TLX3: variants seen among roughly 807,000 people sequenced by gnomAD.
TLX3 encodes T cell leukemia homeobox 3.
Under a neutral mutation model 19.6 loss-of-function variants are expected in TLX3, and 11 were observed. The ratio of observed to expected loss-of-function variants is 0.56; its 90% CI spans 0.35 to 0.93. The LOEUF (loss-of-function observed/expected upper bound fraction) is 0.93, where lower values mean the gene tolerates loss of function less well. Among genes scored for constraint, TLX3 ranks in the 40% least tolerant of loss-of-function variants. The probability of loss-of-function intolerance (pLI) is 0.01; values close to 1 mark genes in which losing one functional copy is unlikely to be tolerated. For synonymous variants in TLX3, 221 were observed against 188.1 expected (o/e 1.17, Z -1.43); for missense variants, 375 against 418.6 (o/e 0.90, Z 0.91).
chr5:171,310,030 G>A (rs939648719), intron 1 of TLX3, 120 bp from the exon 2 acceptor site: 33 of 1,427,056 alleles, frequency 2.3e-5, no homozygotes, highest in Non-Finnish European at 3.0e-5. Context: ...CTCTGGAAAC[G>A]CGCGCGACCA....
In TLX3 at chr5:171,311,635, C is replaced by T. The variant is rs1372090632; in HGVS notation, c.*36C>T. The T allele has an allele frequency of 6.5e-7, 1 of 1,533,048 alleles. No homozygotes were observed. The highest frequency in any genetic ancestry group is 8.9e-7 in the Non-Finnish European group (1 of 1,126,070). The allele number at this position is 1,533,048 out of a possible 1,614,324, so 95.0% of individuals were successfully genotyped here. On this transcript the variant is annotated 3_prime_UTR_variant, in exon 3 of 3. Transcript: ENST00000296921. The surrounding 1 kb of genome is among the most constrained non-coding windows in gnomAD (Gnocchi z 5.1). Reference sequence around the variant, plus strand: ...GCGCACCGTCGCCACGGATCGCCGCCCCCACCCAGCCGGGCGCCCCGGACC... The same window carrying T: ...GCGCACCGTCGCCACGGATCGCCGCTCCCACCCAGCCGGGCGCCCCGGACC...
At chr5:171,310,448 C>T (rs1416984887) in intron 2 of TLX3, 55 bp downstream of exon 2, 2 of 1,588,462 alleles carry the variant, frequency 1.3e-6, no homozygotes, top group African/African-American at 2.7e-5. Context: ...TGTCCCGCCC[C>T]GAGCCGCAGC....
chr5:171,311,398 G>A lies in TLX3; in HGVS notation c.675G>A (p.Thr225=), dbSNP rs1197518633. The change falls in exon 3 of 3, where the codon ACG becomes ACA. Residue 225 remains threonine, a synonymous_variant. Coordinates refer to ENST00000296921, the MANE Select transcript of TLX3 (RefSeq NM_021025.4). This position sits in a 1 kb window ranked among gnomAD's most constrained non-coding sequence, Gnocchi z 5.1. Reference sequence around the variant, plus strand: ...CCCTCCCCCGGTGCAGGCGGCAGACGGCGGAGGAGCGGGAGGCGGAGCGGC... The same window carrying A: ...CCCTCCCCCGGTGCAGGCGGCAGACAGCGGAGGAGCGGGAGGCGGAGCGGC... ...QNRRTKWRRQ[T]AEEREAERQQ... 2.6e-6 allele frequency: 4 copies of A among 1,555,802 alleles called. No homozygotes were observed. The highest frequency in any genetic ancestry group is 3.5e-6 in the Non-Finnish European group (4 of 1,150,426).
At position 171,311,530 on chromosome 5, in the gene TLX3, T is replaced by C; in HGVS notation, c.807T>C (p.Phe269=). 6.2e-7 allele frequency: 1 copy of C among 1,613,426 alleles called. No individual in the cohort carries two copies. The highest frequency in any genetic ancestry group is 8.5e-7 in the Non-Finnish European group (1 of 1,179,750). ...DPLCLHNSSL[F]ALQNLQPWEE... ...TCTGTCTGCACAACTCGTCACTCTT[T>C]GCTCTGCAGAATCTGCAGCCCTGGG... The change falls in exon 3 of 3, where the codon TTT becomes TTC. Residue 269 remains phenylalanine (F), a synonymous_variant. Coordinates refer to ENST00000296921, the MANE Select transcript of TLX3 (RefSeq NM_021025.4). The surrounding 1 kb of genome is among the most constrained non-coding windows in gnomAD (Gnocchi z 5.1).
At position 171,311,350 on chromosome 5, in the gene TLX3, G is replaced by C; in HGVS notation, c.666-39G>C. On this transcript the variant is annotated intron_variant, in intron 2 of 2. Coordinates refer to ENST00000296921, the MANE Select transcript of TLX3 (RefSeq NM_021025.4). This position sits in a 1 kb window ranked among gnomAD's most constrained non-coding sequence, Gnocchi z 5.1. Reference sequence around the variant, plus strand: ...CCCGCCGGCGGCCCCGCGGTGCCGGGTGCATGACGGTACTGTCCCTCTCCC... The same window carrying C: ...CCCGCCGGCGGCCCCGCGGTGCCGGCTGCATGACGGTACTGTCCCTCTCCC... 3 of 1,536,870 alleles carry C rather than the reference G, an allele frequency of 2.0e-6. No homozygotes were observed. Among genetic ancestry groups the C allele is most frequent in the South Asian group, 1.2e-5 (1 of 82,442 alleles).
At chr5:171,310,076 C>A in intron 1 of TLX3, 74 bp from the exon 2 acceptor site, 1 of 1,480,362 alleles carries the variant, frequency 6.8e-7, no homozygotes, top group Non-Finnish European at 9.0e-7. Context: ...CCACGGGGCG[C>A]CACGGGGTCC....
chr5:171,311,760 G>T lies in TLX3; in HGVS notation c.*161G>T, dbSNP rs933426683. 10 of 511,442 alleles carry T rather than the reference G, an allele frequency of 2.0e-5. No homozygotes were observed. The highest frequency in any genetic ancestry group is 1.0e-4 in the African/African-American group (5 of 48,746). The allele number at this position is 511,442 out of a possible 1,614,324, so 31.7% of individuals were successfully genotyped here. Reference sequence around the variant, plus strand: ...GCCACAGACTGGCGGGCCGCGGAAGGGGGTAGGGCCCGAGCTCCGCGCGGC... The same window carrying T: ...GCCACAGACTGGCGGGCCGCGGAAGTGGGTAGGGCCCGAGCTCCGCGCGGC... On this transcript the variant is annotated 3_prime_UTR_variant, in exon 3 of 3. Coordinates refer to ENST00000296921, the MANE Select transcript of TLX3 (RefSeq NM_021025.4). The surrounding 1 kb of genome is among the most constrained non-coding windows in gnomAD (Gnocchi z 5.1).
Position 171,309,345 on chromosome 5 carries a change from C to CCCCCCCCCCCTA in TLX3, c.-21_-20insCCCCCCCCCCTA. On this transcript the variant is annotated 5_prime_UTR_variant, in exon 1 of 3. Transcript: ENST00000296921. ...AGCCGCCTCCCCGCCCAGCCCAGCC[C>CCCCCCCCCCCTA]AGCCCTTCCGCCCGCCCAGGATGGA... is the stretch of plus-strand genomic sequence containing the variant. 2.8e-6 allele frequency: 4 copies of CCCCCCCCCCCTA among 1,445,118 alleles called. No individual in the cohort carries two copies. Among genetic ancestry groups the CCCCCCCCCCCTA allele is most frequent in the Non-Finnish European group, 3.8e-6 (4 of 1,058,094 alleles). The allele number at this position is 1,445,118 out of a possible 1,614,324, so 89.5% of individuals were successfully genotyped here. A position where few individuals can be genotyped will look rare whatever the true frequency, so the allele number is the denominator to read the frequency against.
chr5:171,309,533 C>G lies in TLX3; in HGVS notation c.168C>G (p.Tyr56Ter), dbSNP rs1200810392. ...GPPGGRPGAT[Y>*]PSLPASFAGL... ...CCGGGGGCCGTCCGGGCGCCACATA[C>G]CCGTCTCTGCCCGCCTCCTTTGCGG... Residue 56 changes from tyrosine to a stop codon, truncating the protein, a stop_gained, in exon 1 of 3, where the codon TAC becomes TAG. Coordinates refer to ENST00000296921, the MANE Select transcript of TLX3 (RefSeq NM_021025.4). LOFTEE classifies it high-confidence loss of function. 6.4e-7 allele frequency: 1 copy of G among 1,570,546 alleles called. No homozygotes were observed. Among genetic ancestry groups the G allele is most frequent in the Non-Finnish European group, 8.6e-7 (1 of 1,159,734 alleles).
At position 171,311,766 on chromosome 5, in the gene TLX3, G is replaced by A; in HGVS notation, c.*167G>A. The A allele has an allele frequency of 2.2e-6, 1 of 463,242 alleles. No homozygotes were observed. Among genetic ancestry groups the A allele is most frequent in the Non-Finnish European group, 3.7e-6 (1 of 269,200 alleles). 28.7% of individuals were successfully genotyped at this position (463,242 alleles called of 1,614,324 possible). On this transcript the variant is annotated 3_prime_UTR_variant, in exon 3 of 3. Transcript: ENST00000296921. The surrounding 1 kb of genome is among the most constrained non-coding windows in gnomAD (Gnocchi z 5.1). ...GACTGGCGGGCCGCGGAAGGGGGTA[G>A]GGCCCGAGCTCCGCGCGGCCGCACA...
At chr5:171,310,089 A>G in intron 1 of TLX3, 61 bp from the exon 2 acceptor site, 1 of 1,507,750 alleles carries the variant, frequency 6.6e-7, no homozygotes. Context: ...CGGGGTCCGC[A>G]TGGGGCCTGA....
Position 171,311,333 on chromosome 5 carries a change from C to A in TLX3, c.666-56C>A, listed in dbSNP as rs1220259857. ...CCCGGGAGGGCCGGGGCCCCGCCGG[C>A]GGCCCCGCGGTGCCGGGTGCATGAC... On this transcript the variant is annotated intron_variant, in intron 2 of 2. Coordinates refer to ENST00000296921, the MANE Select transcript of TLX3 (RefSeq NM_021025.4). The surrounding 1 kb of genome is among the most constrained non-coding windows in gnomAD (Gnocchi z 5.1). The A allele has an allele frequency of 1.9e-5, 28 of 1,475,368 alleles. No individual in the cohort carries two copies. The East Asian group carries it at 7.2e-4, about 38-fold the overall frequency. The allele number at this position is 1,475,368 out of a possible 1,614,324, so 91.4% of individuals were successfully genotyped here.
Position 171,312,010 on chromosome 5 carries a change from C to G in TLX3, c.*411C>G, listed in dbSNP as rs925468581. 1.0e-4 allele frequency: 20 copies of G among 193,818 alleles called. No homozygotes were observed. Among genetic ancestry groups the G allele is most frequent in the Middle Eastern group, 3.7e-3 (2 of 534 alleles). 12.0% of individuals were successfully genotyped at this position (193,818 alleles called of 1,614,324 possible). ...CGGGGGCCGCTGGAGGAAGGGCAGC[C>G]GACCCGGCCGCTGGGGGAAGTGCCA... On this transcript the variant is annotated 3_prime_UTR_variant, in exon 3 of 3. Coordinates refer to ENST00000296921, the MANE Select transcript of TLX3 (RefSeq NM_021025.4).
rs778815059 is a variant in TLX3 at position 171,309,581 on chromosome 5, C to A, written c.216C>A (p.Asp72Glu). Residue 72 changes from aspartate to glutamate, a missense_variant, in exon 1 of 3, where the codon GAC becomes GAA. Asp to Glu is a conservative substitution (Grantham distance 45). Around this residue, in one of 3 missense-constraint regions of TLX3, gnomAD observed 239 missense variants for 217.0 expected, o/e 1.10. Transcript: ENST00000296921. ...SFAGLGAPFE[D>E]AGSYSVNLSL... ...CGGGCCTCGGCGCGCCCTTCGAGGA[C>A]GCGGGATCTTACAGTGTGAACCTGA... is the stretch of plus-strand genomic sequence containing the variant. 8 of 1,599,196 alleles carry A rather than the reference C, an allele frequency of 5.0e-6. No individual in the cohort carries two copies. In the South Asian group the frequency reaches 9.0e-5, roughly 18 times the overall value.
In TLX3 at chr5:171,309,327, TCCCC is replaced by T; in HGVS notation, c.-38_-35del. 4.2e-5 allele frequency: 41 copies of T among 976,948 alleles called. No individual in the cohort carries two copies. Among genetic ancestry groups the T allele is most frequent in the Non-Finnish European group, 5.7e-5 (38 of 668,390 alleles). The allele number at this position is 976,948 out of a possible 1,614,324, so 60.5% of individuals were successfully genotyped here. On this transcript the variant is annotated 5_prime_UTR_variant, in exon 1 of 3. Transcript: ENST00000296921. ...GCGCCGTAACGGGGACCCAGCCGCC[TCCCC>T]GCCCAGCCCAGCCCAGCCCTTCCGC...
chr5:171,310,081 G>A, intron 1 of TLX3, 69 bp from the exon 2 acceptor site: 3 of 1,485,468 alleles, frequency 2.0e-6, no homozygotes, highest in East Asian at 5.0e-5. Context: ...GGGCGCCACG[G>A]GGTCCGCATG....
chr5:171,309,726 G>A lies in TLX3; in HGVS notation c.361G>A (p.Gly121Ser). 3 of 1,611,138 alleles carry A rather than the reference G, an allele frequency of 1.9e-6. No homozygotes were observed. In the Admixed American group the frequency reaches 5.0e-5, roughly 27 times the overall value. The part of the protein sequence containing the change: ...MPSVPTVSSL[G>S]GLNFPWMESS... ...CTCCGTGCCCACGGTCTCCAGCCTT[G>A]GCGGTCTCAATTTCCCCTGGATGGA... The change falls in exon 1 of 3, where the codon GGC (glycine) becomes AGC (serine). Residue 121 changes from glycine to serine, a missense_variant. Transcript: ENST00000296921.
Position 171,309,628 on chromosome 5 carries a change from T to A in TLX3, c.263T>A (p.Ile88Asn). 1 of 1,607,942 alleles carries A rather than the reference T, an allele frequency of 6.2e-7. No homozygotes were observed. Among genetic ancestry groups the A allele is most frequent in the Non-Finnish European group, 8.5e-7 (1 of 1,178,014 alleles). ...VNLSLAPAGV[I>N]RVPAHRPLPG... ...CTGAGCCTAGCGCCCGCAGGCGTGA[T>A]CCGGGTGCCGGCGCACAGGCCGCTG... The change falls in exon 1 of 3, where the codon ATC (isoleucine) becomes AAC (asparagine). Residue 88 changes from isoleucine (I) to asparagine (N), a missense_variant. Transcript: ENST00000296921.
In TLX3 at chr5:171,309,484, G is replaced by T; in HGVS notation, c.119G>T (p.Gly40Val). The change falls in exon 1 of 3, where the codon GGC becomes GTC. Residue 40 changes from glycine to valine, a missense_variant. This residue lies in a region of TLX3 where 239 missense variants were observed against 217.0 expected (regional missense o/e 1.10). Transcript: ENST00000296921. ...DSAPAPRGPDGASYLGGPPGG... is the reference protein window; with the variant it reads ...DSAPAPRGPDVASYLGGPPGG... ...GCACCCGCCCCGCGGGGCCCCGACG[G>T]CGCCAGCTACCTGGGAGGGCCCCCC... 6.3e-7 allele frequency: 1 copy of T among 1,588,274 alleles called. No homozygotes were observed. Among genetic ancestry groups the T allele is most frequent in the Non-Finnish European group, 8.6e-7 (1 of 1,169,092 alleles).
Sources: gnomAD v4.1 joint callset for allele counts on GRCh38, gnomAD v4.1.1 for gene constraint, gnomAD v4.1.1 regional missense constraint, Gnocchi (gnomAD v3.1) non-coding constraint, MANE v1.5 for transcripts, NCBI Gene and HGNC (gene_info 2026-07-23, HGNC 2026-07-21) for gene names.